COL4A2: variants seen among roughly 807,000 people sequenced by gnomAD.
The protein encoded by COL4A2 is collagen type IV alpha 2 chain.
A neutral mutation model predicts 200.2 loss-of-function variants in COL4A2; 99 were observed. The observed-to-expected ratio is 0.49, with a 90% CI of 0.42 to 0.58. The LOEUF is 0.58. Among genes scored for constraint, COL4A2 ranks in the 20% least tolerant of loss-of-function variants. The pLI, the probability that COL4A2 is intolerant of heterozygous loss-of-function variation, is 0.00. For missense variants in COL4A2, 1,950 were observed against 2,314.1 expected, an observed-to-expected ratio of 0.84 and a Z score of 3.23; for synonymous variants, 897 against 900.6, an observed-to-expected ratio of 1.00 and a Z score of 0.07.
At chr13:110,311,182 G>A (rs1336130390) in intron 3 of COL4A2, among the ~76,000 whole-genome samples, 2 of 152,184 alleles carry the variant, frequency 1.3e-5, no homozygotes, top group South Asian at 2.1e-4. Flanking sequence ...AGCAAGTGAA[G>A]GAGAGAAGCA....
At chr13:110,505,130 C>T (rs1883801523) in intron 45 of COL4A2, among the ~76,000 whole-genome samples, 1 of 151,348 alleles carries the variant, frequency 6.6e-6, no homozygotes, top group Non-Finnish European at 1.5e-5. Flanking sequence ...GTGGGCGGAT[C>T]ACAAGGGCAG....
intron 4 of COL4A2, among the ~76,000 whole-genome samples, chr13:110,387,723 T>G (rs1468138087): frequency 6.6e-6 from 1 of 152,198 alleles, no homozygotes; most frequent in African/African-American, 2.4e-5. Flanking sequence ...TGGGGCCAAG[T>G]AGGCAGCCTT....
In COL4A2 at chr13:110,357,459, T is replaced by A; in HGVS notation, c.100-13T>A. 1 of 1,579,314 alleles carries A rather than the reference T, an allele frequency of 6.3e-7. No individual in the cohort carries two copies. The highest frequency in any genetic ancestry group is 8.6e-7 in the Non-Finnish European group (1 of 1,159,836). On this transcript the variant is annotated splice_polypyrimidine_tract_variant and intron_variant, in intron 3 of 47. Coordinates refer to ENST00000360467, the MANE Select transcript of COL4A2 (RefSeq NM_001846.4). ...TAGGTAACTTTTCTTTGCCTTGTGTTTTATTGTTGCAGGGTGTGAAGAAGT... is the reference window on the plus strand; with the variant it reads ...TAGGTAACTTTTCTTTGCCTTGTGTATTATTGTTGCAGGGTGTGAAGAAGT...
At chr13:110,468,834 C>T (rs1384058254) in intron 27 of COL4A2, among the ~76,000 whole-genome samples, 1 of 152,146 alleles carries the variant, frequency 6.6e-6, no homozygotes, top group Non-Finnish European at 1.5e-5. Context: ...GTCCTCGTGG[C>T]GTCCTCATGA....
At chr13:110,428,798 C>T (rs1162613840) in intron 7 of COL4A2, among the ~76,000 whole-genome samples, 1 of 152,232 alleles carries the variant, frequency 6.6e-6, no homozygotes, top group Non-Finnish European at 1.5e-5. Context: ...TGATGTTGTT[C>T]ACTCTCAGTC....
intron 4 of COL4A2, among the ~76,000 whole-genome samples, chr13:110,366,629 A>C (rs1383495912): frequency 1.3e-5 from 2 of 152,104 alleles, no homozygotes; most frequent in African/African-American, 4.8e-5. Context: ...TTGCCACCTA[A>C]ATGCTGCATG....
intron 19 of COL4A2, 31 bp from the exon 20 acceptor site, chr13:110,450,274 C>G (rs1221045888): frequency 6.2e-7 from 1 of 1,600,394 alleles, no homozygotes; most frequent in South Asian, 1.1e-5. Flanking sequence ...ATGGGAGACT[C>G]ACGCTGCAGG....
intron 4 of COL4A2, among the ~76,000 whole-genome samples, chr13:110,387,930 T>C (rs1322195385): frequency 6.6e-6 from 1 of 152,186 alleles, no homozygotes; most frequent in Non-Finnish European, 1.5e-5. Flanking sequence ...TTAACTGCGT[T>C]GAGGGTGTGT....
intron 3 of COL4A2, among the ~76,000 whole-genome samples, chr13:110,355,749 G>T (rs9521708): frequency 6.4e-4 from 25 of 39,152 alleles, no homozygotes; most frequent in South Asian, 1.3e-3. Flanking sequence ...GTGTGTGGGG[G>T]AGGGCTGCAC....
intron 28 of COL4A2, among the ~76,000 whole-genome samples, chr13:110,471,408 C>T (rs941634191): frequency 5.3e-5 from 8 of 152,190 alleles, no homozygotes; most frequent in Admixed American, 3.9e-4. Context: ...GTTTCTGAAA[C>T]GCATGTCACT....
At chr13:110,404,042 G>A (rs1413149718) in intron 4 of COL4A2, among the ~76,000 whole-genome samples, 1 of 151,962 alleles carries the variant, frequency 6.6e-6, no homozygotes, top group South Asian at 2.1e-4. Context: ...CACTCACCAG[G>A]GCTGTACCCC....
intron 3 of COL4A2, among the ~76,000 whole-genome samples, chr13:110,329,863 C>T (rs1875819870): frequency 6.6e-6 from 1 of 152,154 alleles, no homozygotes; most frequent in African/African-American, 2.4e-5. Context: ...AGTGATGGCT[C>T]AGCACACCCA....
chr13:110,440,781 C>CCGGCAGGCT lies in COL4A2; in HGVS notation c.957+950_957+958dup, dbSNP rs377583986. On this transcript the variant is annotated intron_variant, in intron 16 of 47. Transcript: ENST00000360467. ...ACAGCACACGCCTCCTACGGCAGGC[C>CCGGCAGGCT]CGGCAGGCTCCCCAGACACCACCAC... Among the ~76,000 whole-genome samples the CCGGCAGGCT allele has an allele frequency of 3.3e-3, 496 of 152,260 alleles. 1 individual carries two copies. The highest frequency in any genetic ancestry group is 0.011 in the African/African-American group (471 of 41,526).
intron 29 of COL4A2, among the ~76,000 whole-genome samples, chr13:110,474,768 C>T (rs1331246417): frequency 1.4e-5 from 2 of 145,750 alleles, no homozygotes; most frequent in Non-Finnish European, 3.0e-5. Flanking sequence ...ACATCACACA[C>T]GCACGTACCC....
At chr13:110,487,452 C>CA (rs1204599852) in intron 34 of COL4A2, among the ~76,000 whole-genome samples, 6 of 151,398 alleles carry the variant, frequency 4.0e-5, no homozygotes, top group South Asian at 2.1e-4. Context: ...GACTCCATCT[C>CA]AAAAAAAAGA....
intron 4 of COL4A2, among the ~76,000 whole-genome samples, chr13:110,364,736 T>G (rs1003098221): frequency 2.0e-5 from 3 of 152,202 alleles, no homozygotes; most frequent in African/African-American, 7.2e-5. Context: ...AGAATAGTCT[T>G]ACACATTTGC....
chr13:110,391,817 C>T (rs1878993817), intron 4 of COL4A2, among the ~76,000 whole-genome samples: 2 of 152,236 alleles, frequency 1.3e-5, no homozygotes, highest in Admixed American at 1.3e-4. Context: ...GAGTGAACCA[C>T]TGCATTCTTC....
chr13:110,312,677 TC>T (rs1407817844), intron 3 of COL4A2, among the ~76,000 whole-genome samples: 1 of 152,250 alleles, frequency 6.6e-6, no homozygotes. Context: ...ATGCTTTGTG[TC>T]TGCTGGTGTC....
At chr13:110,442,087 CAAAAAAAAAAAAAAAAA>C (rs10530153) in intron 16 of COL4A2, among the ~76,000 whole-genome samples, 10,808 of 48,288 alleles carry the variant, frequency 0.22, 770 homozygotes, top group East Asian at 0.5. Flanking sequence ...CTCTCTGTCT[CAAAAAAAAAAAAAAAAA>C]AAAAAAAAAA....
Sources: gnomAD v4.1 joint callset for allele counts (sites outside exome capture counted in the v4.1 genomes callset) on GRCh38, gnomAD v4.1.1 for gene constraint, MANE v1.5 for transcripts, NCBI Gene and HGNC (gene_info 2026-07-23, HGNC 2026-07-21) for gene names.